The following LSS variants were observed in gnomAD, a reference collection of about 807,000 sequenced individuals.
LSS encodes lanosterol synthase, also known as 2,3-epoxysqualene-lanosterol cyclase.
A neutral mutation model predicts 110.3 loss-of-function variants in LSS; 90 were observed. The observed-to-expected ratio is 0.82, with a 90% CI of 0.69 to 0.97. The LOEUF (loss-of-function observed/expected upper bound fraction) is 0.97. LSS is among the 50% of genes least tolerant of loss of function. The pLI, the probability that LSS is intolerant of heterozygous loss-of-function variation, is 0.00. For synonymous variants in LSS, 433 were observed against 400.0 expected (o/e 1.08, Z -0.98); for missense variants, 927 against 990.0 (o/e 0.94, Z 0.85).
chr21:46,213,087 G>A (rs1226858701), intron 10 of LSS, 35 bp from the exon 11 acceptor site: 34 of 1,609,234 alleles, frequency 2.1e-5, no homozygotes, highest in Non-Finnish European at 2.9e-5. Context: ...CAGGTGCAAG[G>A]AGAAAGCTGG....
intron 21 of LSS, among the ~76,000 whole-genome samples, 193 bp downstream of exon 21, chr21:46,191,688 A>G (rs2079818105): frequency 6.6e-6 from 1 of 152,210 alleles, no homozygotes; most frequent in African/African-American, 2.4e-5. Flanking sequence ...TTGAAACAAC[A>G]GCAAGATCTG....
intron 6 of LSS, among the ~76,000 whole-genome samples, chr21:46,218,811 T>C (rs1190057427): frequency 6.6e-6 from 1 of 151,010 alleles, no homozygotes; most frequent in Admixed American, 6.6e-5. Context: ...CGGTAACCTC[T>C]GCCTCCCAGG....
rs1238498668 is a variant in LSS at position 46,216,355 on chromosome 21, G to A, written c.783+34C>T. 2 of 1,612,708 alleles carry A rather than the reference G, an allele frequency of 1.2e-6. No homozygotes were observed. The highest frequency in any genetic ancestry group is 2.2e-5 in the East Asian group (1 of 44,894). Reference sequence around the variant, plus strand: ...CCAGGCCCTGTGGGTCCCAGCCCCAGAGGCCTTCACTTTGTTCCCTGATGA... The same window carrying A: ...CCAGGCCCTGTGGGTCCCAGCCCCAAAGGCCTTCACTTTGTTCCCTGATGA... On this transcript the variant is annotated intron_variant, in intron 7 of 21. Transcript: ENST00000397728. The surrounding 1 kb of genome is among the most constrained non-coding windows in gnomAD (Gnocchi z 4.2).
At chr21:46,207,356 G>A in intron 15 of LSS, 72 bp downstream of exon 15, 2 of 1,552,138 alleles carry the variant, frequency 1.3e-6, no homozygotes, top group Non-Finnish European at 1.7e-6. Context: ...GAGCCCACAG[G>A]AGTGGAAGTG....
Position 46,196,184 on chromosome 21 carries a change from G to T in LSS, c.1736+18C>A. 6.2e-7 allele frequency: 1 copy of T among 1,613,214 alleles called. No individual in the cohort carries two copies. Among genetic ancestry groups the T allele is most frequent in the Non-Finnish European group, 8.5e-7 (1 of 1,179,298 alleles). ...GGATCCCGTGCATCTCTGCACTCAC[G>T]AGTGGAGGCTCACTCACCCTTCCCA... On this transcript the variant is annotated intron_variant, in intron 18 of 21. Transcript: ENST00000397728.
At chr21:46,218,441 T>C (rs1266407802) in intron 6 of LSS, among the ~76,000 whole-genome samples, 2 of 151,876 alleles carry the variant, frequency 1.3e-5, no homozygotes, top group Non-Finnish European at 2.9e-5. Flanking sequence ...CTGGCCAACA[T>C]AGTGAAACCC....
Position 46,202,091 on chromosome 21 carries a change from G to T in LSS, c.1670+3745C>A, listed in dbSNP as rs1017369862. 2.1e-5 allele frequency among the ~76,000 whole-genome samples: 3 copies of T among 142,094 alleles called. 1 individual carries two copies. The highest frequency in any genetic ancestry group is 4.6e-5 in the Non-Finnish European group (3 of 64,856). The allele number at this position is 142,094 out of a possible 152,430, so 93.2% of individuals were successfully genotyped here. On this transcript the variant is annotated intron_variant, in intron 17 of 21. Transcript: ENST00000397728. ...TTACAGGCGTCAGCCACTGCGCCCG[G>T]CAAGTTTAAAATCTTAATATAGGCC...
intron 6 of LSS, among the ~76,000 whole-genome samples, chr21:46,217,500 G>C (rs1448092426): frequency 6.6e-6 from 1 of 152,186 alleles, no homozygotes; most frequent in South Asian, 2.1e-4. Flanking sequence ...CCCTGACTGT[G>C]GCATCAGGCC....
chr21:46,191,058 G>C lies in LSS; in HGVS notation c.*46C>G, dbSNP rs1430653825. ...CTCCCCAACCCGGCCAGGACCCCTTGGCCTCACTGGAACGCACAGACGGCA... is the reference window on the plus strand; with the variant it reads ...CTCCCCAACCCGGCCAGGACCCCTTCGCCTCACTGGAACGCACAGACGGCA... On this transcript the variant is annotated 3_prime_UTR_variant, in exon 22 of 22. Transcript: ENST00000397728. 6.2e-7 allele frequency: 1 copy of C among 1,610,828 alleles called. No homozygotes were observed. Among genetic ancestry groups the C allele is most frequent in the Non-Finnish European group, 8.5e-7 (1 of 1,178,162 alleles).
chr21:46,214,049 C>T (rs148364662), intron 9 of LSS, among the ~76,000 whole-genome samples: 16 of 152,336 alleles, frequency 1.1e-4, no homozygotes, highest in African/African-American at 3.6e-4. Flanking sequence ...GAGGCAGTGT[C>T]GGCCAAGGCC....
chr21:46,192,503 T>A lies in LSS; in HGVS notation c.1989-544A>T, dbSNP rs140560500. 474 of 455,708 alleles carry A rather than the reference T, an allele frequency of 1.0e-3. 3 individuals are homozygous for A. The highest frequency in any genetic ancestry group is 8.1e-3 in the African/African-American group (408 of 50,194). The allele number at this position is 455,708 out of a possible 1,614,324, so 28.2% of individuals were successfully genotyped here. ...TAATAGGGCAGCACAGACGGGATGT[T>A]GCGGGTGCATCTGTATGTATGTGTG... On this transcript the variant is annotated intron_variant, in intron 20 of 21. Transcript: ENST00000397728.
intron 10 of LSS, among the ~76,000 whole-genome samples, chr21:46,213,341 G>A (rs1272581272): frequency 6.6e-6 from 1 of 152,216 alleles, no homozygotes; most frequent in Non-Finnish European, 1.5e-5. Flanking sequence ...GCAGTGCTGA[G>A]GCACCAGAGG....
intron 6 of LSS, among the ~76,000 whole-genome samples, chr21:46,218,857 C>T (rs991588361): frequency 6.6e-6 from 1 of 151,716 alleles, no homozygotes; most frequent in Admixed American, 6.6e-5. Flanking sequence ...TCCCGAGTAG[C>T]TGGAAACTAG....
In LSS at chr21:46,211,360, A is replaced by G. The variant is rs1424756077; in HGVS notation, c.1138-616T>C. 2.0e-5 allele frequency among the ~76,000 whole-genome samples: 3 copies of G among 152,074 alleles called. No homozygotes were observed. In the East Asian group the frequency reaches 5.8e-4, roughly 29 times the overall value. Reference sequence around the variant, plus strand: ...TAGCCAGGATGGTCTCTATCTCCTGACCTTGTGATCCGCCCACCTTGGCCT... The same window carrying G: ...TAGCCAGGATGGTCTCTATCTCCTGGCCTTGTGATCCGCCCACCTTGGCCT... On this transcript the variant is annotated intron_variant, in intron 11 of 21. Transcript: ENST00000397728.
At position 46,189,733 on chromosome 21, in the gene LSS, C is replaced by T. The variant is rs1221363140; in HGVS notation, c.*1371G>A. ...GAGAGGCCAGGGACTGCTACCTGCC[C>T]AGAAGGCGGCAGGGAGGGGAAGAGC... On this transcript the variant is annotated 3_prime_UTR_variant, in exon 22 of 22. Transcript: ENST00000397728. 1 of 457,014 alleles carries T rather than the reference C, an allele frequency of 2.2e-6. No homozygotes were observed. Among genetic ancestry groups the T allele is most frequent in the South Asian group, 1.5e-5 (1 of 64,548 alleles). The allele number at this position is 457,014 out of a possible 1,614,324, so 28.3% of individuals were successfully genotyped here.
chr21:46,221,573 G>A (rs1008325230), intron 5 of LSS, among the ~76,000 whole-genome samples: 1 of 152,118 alleles, frequency 6.6e-6, no homozygotes, highest in Admixed American at 6.5e-5. Context: ...GCCCAGGCTG[G>A]CCTCGAACTC....
At chr21:46,208,117 C>A (rs2080077371) in intron 14 of LSS, 134 bp downstream of exon 14, 1 of 758,636 alleles carries the variant, frequency 1.3e-6, no homozygotes, top group Admixed American at 2.4e-5. Flanking sequence ...AGGCATCCAC[C>A]ACAGCAGGAC....
At chr21:46,192,230 A>T in intron 20 of LSS, 1 of 550,912 alleles carries the variant, frequency 1.8e-6, no homozygotes, top group Non-Finnish European at 3.3e-6. Flanking sequence ...CCCCCTGAAG[A>T]GGACGCCAAG....
At chr21:46,225,802 T>C (rs887123781) in intron 3 of LSS, among the ~76,000 whole-genome samples, 1 of 152,140 alleles carries the variant, frequency 6.6e-6, no homozygotes, top group East Asian at 1.9e-4. Flanking sequence ...TTACCTATCA[T>C]TGGAGATGGC....
Sources: gnomAD v4.1 joint callset for allele counts (sites outside exome capture counted in the v4.1 genomes callset) on GRCh38, gnomAD v4.1.1 for gene constraint, Gnocchi (gnomAD v3.1) non-coding constraint, MANE v1.5 for transcripts, NCBI Gene and HGNC (gene_info 2026-07-23, HGNC 2026-07-21) for gene names.